RAB6B: variants seen among roughly 807,000 people sequenced by gnomAD.
The protein encoded by RAB6B is ras-related protein Rab-6B.
RAB6B carries 7 observed loss-of-function variants against 31.2 expected under a neutral mutation model. The observed-to-expected ratio is 0.22, with a 90% CI of 0.13 to 0.42. RAB6B has a LOEUF of 0.42. Ranked by LOEUF, RAB6B falls within the 10% of genes least tolerant of loss-of-function variation. The pLI, the probability that RAB6B is intolerant of heterozygous loss-of-function variation, is 1.00. For synonymous variants in RAB6B, 105 were observed against 104.9 expected (o/e 1.00, Z -0.01); for missense variants, 149 against 280.6 (o/e 0.53, Z 3.35).
chr3:133,851,018 GA>G (rs57648730), intron 2 of RAB6B, among the ~76,000 whole-genome samples: 30,220 of 105,584 alleles, frequency 0.29, 3,232 homozygotes, highest in Middle Eastern at 0.37. Flanking sequence ...AAGTGTTCAA[GA>G]AAAAAAAAAA....
At chr3:133,884,289 A>T (rs1936507859) in intron 1 of RAB6B, among the ~76,000 whole-genome samples, 1 of 152,228 alleles carries the variant, frequency 6.6e-6, no homozygotes, top group African/African-American at 2.4e-5. Flanking sequence ...CTTAAAGCAG[A>T]TCATGAGCTG....
intron 2 of RAB6B, among the ~76,000 whole-genome samples, chr3:133,842,206 C>T (rs1451934347): frequency 6.6e-6 from 1 of 152,254 alleles, no homozygotes; most frequent in African/African-American, 2.4e-5. Context: ...AGAGTGGCCT[C>T]TCGCTGGGAG....
chr3:133,892,698 C>T (rs1021487974), intron 1 of RAB6B, among the ~76,000 whole-genome samples: 6 of 152,210 alleles, frequency 3.9e-5, no homozygotes, highest in African/African-American at 1.2e-4. Context: ...TGAAAGACTC[C>T]GCTGAGCTCA....
intron 6 of RAB6B, among the ~76,000 whole-genome samples, chr3:133,835,161 G>A (rs1400381989): frequency 6.6e-6 from 1 of 152,204 alleles, no homozygotes; most frequent in Non-Finnish European, 1.5e-5. Flanking sequence ...CTGAGAGCGC[G>A]AGGGATGCAG....
intron 1 of RAB6B, among the ~76,000 whole-genome samples, chr3:133,876,441 TAGAG>T (rs1380917323): frequency 6.6e-6 from 1 of 152,176 alleles, no homozygotes; most frequent in South Asian, 2.1e-4. Flanking sequence ...ATCTGCTGTA[TAGAG>T]AGAGTTTCTC....
At chr3:133,842,524 G>A (rs568783966) in intron 2 of RAB6B, among the ~76,000 whole-genome samples, 1 of 152,328 alleles carries the variant, frequency 6.6e-6, no homozygotes, top group Admixed American at 6.5e-5. Context: ...CACTAAATAA[G>A]CATAGTGTGG....
intron 1 of RAB6B, among the ~76,000 whole-genome samples, chr3:133,894,131 T>C (rs575063283): frequency 1.3e-5 from 2 of 152,310 alleles, no homozygotes; most frequent in South Asian, 4.1e-4. Flanking sequence ...CACCCAGTCC[T>C]CCCACAGCTG....
chr3:133,873,034 AC>A (rs1265456513), intron 1 of RAB6B, among the ~76,000 whole-genome samples: 1 of 152,106 alleles, frequency 6.6e-6, no homozygotes, highest in African/African-American at 2.4e-5. Context: ...TCACTTCTCC[AC>A]TGAGTGCCCC....
chr3:133,836,093 C>T (rs981707836), intron 6 of RAB6B, among the ~76,000 whole-genome samples: 1 of 152,200 alleles, frequency 6.6e-6, no homozygotes, highest in Non-Finnish European at 1.5e-5. Context: ...TTCATGGCCT[C>T]ACCCCAGAGC....
chr3:133,834,256 A>G lies in RAB6B; in HGVS notation c.562+319T>C, dbSNP rs75407991. Among the ~76,000 whole-genome samples, 1,158 of 152,290 alleles carry G rather than the reference A, an allele frequency of 7.6e-3. 13 individuals carry two copies. The highest frequency in any genetic ancestry group is 0.026 in the African/African-American group (1,076 of 41,572). ...TGCAGTGGAGACTCTGCCTGTGTTCATGAAACCCATAAACATGCTCGCTGT... is the reference window on the plus strand; with the variant it reads ...TGCAGTGGAGACTCTGCCTGTGTTCGTGAAACCCATAAACATGCTCGCTGT... On this transcript the variant is annotated intron_variant, in intron 7 of 7. Coordinates refer to ENST00000285208, the MANE Select transcript of RAB6B (RefSeq NM_016577.4).
chr3:133,849,784 A>C (rs1411631728), intron 2 of RAB6B, among the ~76,000 whole-genome samples: 1 of 152,204 alleles, frequency 6.6e-6, no homozygotes, highest in African/African-American at 2.4e-5. Flanking sequence ...CATCAGCCAT[A>C]ATAGTTCAGC....
chr3:133,834,727 C>T, intron 6 of RAB6B, 86 bp from the exon 7 acceptor site: 1 of 1,249,112 alleles, frequency 8.0e-7, no homozygotes, highest in East Asian at 2.3e-5. Context: ...ACCCCTCTTC[C>T]CCTCCCAACC....
In RAB6B at chr3:133,841,541, T is replaced by C. The variant is rs62280638; in HGVS notation, c.183+69A>G. 1.8e-3 allele frequency: 2,885 copies of C among 1,578,128 alleles called. 3 individuals are homozygous for C. The highest frequency in any genetic ancestry group is 2.4e-3 in the Non-Finnish European group (2,707 of 1,151,552). ...GCAGGTGCTCTCAGTGGTGCCCAGC[T>C]AAGGGTCCTAGGGGATAAGCCCAAA... On this transcript the variant is annotated intron_variant, in intron 3 of 7. Transcript: ENST00000285208.
rs140350072 is a variant in RAB6B at position 133,835,095 on chromosome 3, C to T, written c.496-454G>A. Among the ~76,000 whole-genome samples the T allele has an allele frequency of 5.3e-5, 8 of 152,298 alleles. No individual in the cohort carries two copies. In the East Asian group the frequency reaches 1.2e-3, roughly 22 times the overall value. ...TGCTTGGGGAGCCCTGCAGGTCCGG[C>T]GCCAAGGCAGCGAACAGCAGGGCCA... On this transcript the variant is annotated intron_variant, in intron 6 of 7. Coordinates refer to ENST00000285208, the MANE Select transcript of RAB6B (RefSeq NM_016577.4).
At chr3:133,835,472 C>CTG (rs3840183) in intron 6 of RAB6B, among the ~76,000 whole-genome samples, 3,703 of 146,678 alleles carry the variant, frequency 0.025, 119 homozygotes, top group African/African-American at 0.072. Flanking sequence ...TGTGGGTTTT[C>CTG]TGTGTGTGTG....
At chr3:133,857,031 T>C (rs1486461005) in intron 2 of RAB6B, among the ~76,000 whole-genome samples, 1 of 151,622 alleles carries the variant, frequency 6.6e-6, no homozygotes, top group Non-Finnish European at 1.5e-5. Context: ...TGAGCATCAT[T>C]TGGCAGAGCT....
intron 1 of RAB6B, among the ~76,000 whole-genome samples, chr3:133,879,996 A>G (rs978377727): frequency 1.5e-4 from 22 of 151,642 alleles, no homozygotes; most frequent in African/African-American, 5.1e-4. Context: ...GCTCAACCCA[A>G]CTCTGGCCAG....
In RAB6B at chr3:133,827,753, C is replaced by A. The variant is rs888856344; in HGVS notation, c.*1035G>T. ...GGTGGTTCTGCAGACAACACCCCCC[C>A]CCCCCCCCGCCTCCCCATCACAGAG... On this transcript the variant is annotated 3_prime_UTR_variant, in exon 8 of 8. Coordinates refer to ENST00000285208, the MANE Select transcript of RAB6B (RefSeq NM_016577.4). 52 of 89,796 alleles carry A rather than the reference C, an allele frequency of 5.8e-4. 3 individuals are homozygous for A. Among genetic ancestry groups the A allele is most frequent in the Non-Finnish European group, 1.3e-3 (37 of 28,204 alleles). The allele number at this position is 89,796 out of a possible 1,614,324, so 5.6% of individuals were successfully genotyped here. A position where few individuals can be genotyped will look rare whatever the true frequency, so the allele number is the denominator to read the frequency against.
chr3:133,853,267 G>A (rs1252307594), intron 2 of RAB6B, among the ~76,000 whole-genome samples: 2 of 152,100 alleles, frequency 1.3e-5, no homozygotes, highest in Non-Finnish European at 2.9e-5. Flanking sequence ...GGATGAGTGG[G>A]GATACACATG....
Sources: allele counts gnomAD v4.1 joint callset (sites outside exome capture counted in the v4.1 genomes callset), GRCh38; gene constraint gnomAD v4.1.1; transcripts MANE v1.5; gene names NCBI Gene and HGNC (gene_info 2026-07-23, HGNC 2026-07-21).